The following RANBP17 variants were observed in gnomAD, a reference collection of about 807,000 sequenced individuals.
RANBP17 encodes the protein ran-binding protein 17.
Under a neutral mutation model 141.2 loss-of-function variants are expected in RANBP17, and 158 were observed. That is an observed-to-expected ratio of 1.12 (90% confidence interval 0.98 to 1.28). RANBP17 has a LOEUF of 1.28. RANBP17 is among the 50% of genes most tolerant of loss of function. RANBP17 has a pLI of 0.00. For missense variants in RANBP17, 1,438 were observed against 1,290.7 expected (o/e 1.11, Z -1.75); for synonymous variants, 430 against 450.0 (o/e 0.96, Z 0.56).
intron 22 of RANBP17, among the ~76,000 whole-genome samples, chr5:171,228,712 C>T (rs956973550): frequency 1.3e-5 from 2 of 152,180 alleles, no homozygotes; most frequent in African/African-American, 4.8e-5. Context: ...CCACCTCAAC[C>T]TTTGGCCACT....
intron 14 of RANBP17, among the ~76,000 whole-genome samples, chr5:171,137,945 T>C (rs1342239375): frequency 2.0e-5 from 2 of 99,918 alleles, no homozygotes; most frequent in African/African-American, 3.4e-5. Context: ...TAGTGTGATA[T>C]ATGAGATATA....
At position 171,029,191 on chromosome 5, in the gene RANBP17, A is replaced by C. The variant is rs371558474; in HGVS notation, c.1710+60814A>C. The C allele has an allele frequency of 5.3e-4, 103 of 193,548 alleles. 1 individual carries two copies. In the South Asian group the frequency reaches 0.01, roughly 20 times the overall value. The allele number at this position is 193,548 out of a possible 1,614,324, so 12.0% of individuals were successfully genotyped here. A position where few individuals can be genotyped will look rare whatever the true frequency, so the allele number is the denominator to read the frequency against. On this transcript the variant is annotated intron_variant, in intron 14 of 27. Transcript: ENST00000523189. ...ATTAATCACCTTATTAAATGATTCC[A>C]TTCTGTGTATAATGTGATCATTTTC...
At chr5:170,886,192 T>G (rs962162217) in intron 3 of RANBP17, among the ~76,000 whole-genome samples, 3 of 152,228 alleles carry the variant, frequency 2.0e-5, no homozygotes, top group African/African-American at 7.2e-5. Context: ...TAGGGGCACA[T>G]AGACCACTTT....
intron 7 of RANBP17, chr5:170,911,477 G>A (rs1771520694): frequency 1.5e-6 from 1 of 688,096 alleles, no homozygotes; most frequent in Non-Finnish European, 2.7e-6. Flanking sequence ...ATCATTTTCA[G>A]GTGCTGGTCA....
In RANBP17 at chr5:170,953,635, G is replaced by A; in HGVS notation, c.1507G>A (p.Val503Ile). The A allele has an allele frequency of 6.2e-7, 1 of 1,612,164 alleles. No homozygotes were observed. Among genetic ancestry groups the A allele is most frequent in the Non-Finnish European group, 8.5e-7 (1 of 1,178,492 alleles). ...GCTGGTATACTTAGTTGGGACAGTT[G>A]TAGGAGGAAGATTAACATATACCAG... Reference protein sequence around the residue: ...AWLVYLVGTVVGGRLTYTSTD... With the variant: ...AWLVYLVGTVIGGRLTYTSTD... The change falls in exon 13 of 28, where the codon GTA becomes ATA. Residue 503 changes from valine (V) to isoleucine (I), a missense_variant. Coordinates refer to ENST00000523189, the MANE Select transcript of RANBP17 (RefSeq NM_022897.5).
rs572702310 is a variant in RANBP17 at position 171,098,342 on chromosome 5, G to A, written c.1711-71788G>A. Among the ~76,000 whole-genome samples, 3 of 152,340 alleles carry A rather than the reference G, an allele frequency of 2.0e-5. No homozygotes were observed. The East Asian group carries it at 5.8e-4, about 29-fold the overall frequency. ...ATGATGGCCATTCTAACTGGCATGA[G>A]ATGGTATCTCATTGTGGTTTTGATT... is the stretch of plus-strand genomic sequence containing the variant. On this transcript the variant is annotated intron_variant, in intron 14 of 27. Transcript: ENST00000523189.
chr5:170,919,728 CAA>C, intron 11 of RANBP17, 115 bp downstream of exon 11: 6 of 692,812 alleles, frequency 8.7e-6, no homozygotes, highest in Non-Finnish European at 1.4e-5. Context: ...TGATTTCTGA[CAA>C]GTGCACACAA....
At chr5:171,030,162 AAGGT>A (rs1485721401) in intron 14 of RANBP17, among the ~76,000 whole-genome samples, 3 of 152,048 alleles carry the variant, frequency 2.0e-5, no homozygotes, top group Admixed American at 2.0e-4. Context: ...TCCAACCATT[AAGGT>A]AAATGGGTTG....
intron 1 of RANBP17, among the ~76,000 whole-genome samples, chr5:170,875,721 T>G (rs184174217): frequency 6.6e-6 from 1 of 152,272 alleles, no homozygotes; most frequent in Non-Finnish European, 1.5e-5. Context: ...TTTATTATGG[T>G]TCTGAGCTTC....
chr5:171,017,766 C>T lies in RANBP17; in HGVS notation c.1710+49389C>T, dbSNP rs139982092. Among the ~76,000 whole-genome samples, 498 of 152,264 alleles carry T rather than the reference C, an allele frequency of 3.3e-3. 2 individuals are homozygous for T. Among genetic ancestry groups the T allele is most frequent in the African/African-American group, 0.011 (467 of 41,554 alleles). On this transcript the variant is annotated intron_variant, in intron 14 of 27. Transcript: ENST00000523189. The stretch of plus-strand genomic sequence containing the variant: ...GAAGCTCTTTAGTTTAATTAGATCC[C>T]ATTTGTCAATTTTGGTTTTTGTTGC...
At chr5:171,066,146 G>A (rs1479408365) in intron 14 of RANBP17, among the ~76,000 whole-genome samples, 3 of 152,136 alleles carry the variant, frequency 2.0e-5, no homozygotes, top group Non-Finnish European at 4.4e-5. Flanking sequence ...ACAGTCATGA[G>A]CAACTGCACC....
intron 14 of RANBP17, among the ~76,000 whole-genome samples, chr5:171,088,239 G>C (rs1175695184): frequency 1.3e-5 from 2 of 151,922 alleles, no homozygotes; most frequent in Non-Finnish European, 2.9e-5. Flanking sequence ...AGTTTGGCTG[G>C]ATATGAAATT....
intron 12 of RANBP17, among the ~76,000 whole-genome samples, chr5:170,936,146 G>T (rs1432071575): frequency 6.6e-6 from 1 of 152,162 alleles, no homozygotes; most frequent in Non-Finnish European, 1.5e-5. Context: ...CATTGGAAAA[G>T]CGCAGTATTA....
At chr5:170,881,947 C>CT in intron 3 of RANBP17, 51 bp downstream of exon 3, 1 of 1,234,326 alleles carries the variant, frequency 8.1e-7, no homozygotes, top group South Asian at 1.4e-5. Context: ...AAATCTTTTT[C>CT]TTTTAAATAT....
chr5:170,925,735 G>T (rs537495890), intron 12 of RANBP17, among the ~76,000 whole-genome samples: 1 of 152,020 alleles, frequency 6.6e-6, no homozygotes, highest in Non-Finnish European at 1.5e-5. Flanking sequence ...ACATGTGTAT[G>T]CATTCCGAAA....
chr5:171,180,525 C>A (rs926507157), intron 16 of RANBP17, among the ~76,000 whole-genome samples: 1 of 152,068 alleles, frequency 6.6e-6, no homozygotes, highest in African/African-American at 2.4e-5. Flanking sequence ...AGTGCTCCAC[C>A]CAGCCAAAAT....
chr5:170,948,176 G>T (rs1774914235), intron 12 of RANBP17, among the ~76,000 whole-genome samples: 1 of 152,092 alleles, frequency 6.6e-6, no homozygotes, highest in African/African-American at 2.4e-5. Context: ...TGGTGTATCG[G>T]ACATAAACAG....
chr5:171,260,749 G>A (rs910770938), intron 24 of RANBP17, among the ~76,000 whole-genome samples: 1 of 152,002 alleles, frequency 6.6e-6, no homozygotes, highest in Non-Finnish European at 1.5e-5. Context: ...GTGGGGTGTT[G>A]GATAGAGAGT....
intron 3 of RANBP17, among the ~76,000 whole-genome samples, chr5:170,891,766 A>G (rs192185336): frequency 2.6e-5 from 4 of 152,262 alleles, no homozygotes; most frequent in East Asian, 3.9e-4. Flanking sequence ...CTATAATCCA[A>G]TCACCTCCCA....
Sources: gnomAD v4.1 joint callset for allele counts (sites outside exome capture counted in the v4.1 genomes callset) on GRCh38, gnomAD v4.1.1 for gene constraint, MANE v1.5 for transcripts, NCBI Gene and HGNC (gene_info 2026-07-23, HGNC 2026-07-21) for gene names.